Variants in SULF1 observed in about 807,000 individuals in gnomAD.
SULF1 encodes the protein sulfatase 1, also known as extracellular sulfatase Sulf-1.
Under a neutral mutation model 110.5 loss-of-function variants are expected in SULF1, and 46 were observed. The ratio of observed to expected loss-of-function variants is 0.42; its 90% CI spans 0.33 to 0.53. SULF1 has a LOEUF of 0.53. Ranked by LOEUF, SULF1 falls within the 20% of genes least tolerant of loss-of-function variation. The pLI, the probability that SULF1 is intolerant of heterozygous loss-of-function variation, is 0.12. For missense variants in SULF1, 941 were observed against 1,094.2 expected (o/e 0.86, Z 1.98); for synonymous variants, 371 against 387.1 (o/e 0.96, Z 0.49).
upstream of SULF1, among the ~76,000 whole-genome samples, chr8:69,489,571 C>CTTTTTTTTTTTTTTTT (rs61391745): frequency 1.2e-4 from 11 of 91,980 alleles, no homozygotes; most frequent in Non-Finnish European, 1.8e-4. Context: ...CTTTCTTTCT[C>CTTTTTTTTTTTTTTTT]TTTTTTTTTT....
chr8:69,490,343 C>T (rs1040186375), upstream of SULF1, among the ~76,000 whole-genome samples: 2 of 152,068 alleles, frequency 1.3e-5, no homozygotes, highest in Non-Finnish European at 2.9e-5. Context: ...CTCAAGCAAT[C>T]CACCCGCCTT....
intron 22 of SULF1, among the ~76,000 whole-genome samples, chr8:69,651,409 A>G (rs1812338584): frequency 6.6e-6 from 1 of 152,110 alleles, no homozygotes; most frequent in Non-Finnish European, 1.5e-5. Flanking sequence ...TGAGTGACCT[A>G]ATGCTTCCAA....
chr8:69,540,160 A>G (rs1813764115), intron 3 of SULF1, among the ~76,000 whole-genome samples: 1 of 152,210 alleles, frequency 6.6e-6, no homozygotes, highest in African/African-American at 2.4e-5. Context: ...AAGTACTGGG[A>G]TAAATGGAAA....
rs535255413 is a variant in SULF1, at chr8:69,529,717, T to C, written c.-134+27749T>C. ...TGGCAGGTTGGTGCTGGCTGCTAAT[T>C]GGAGGCCTCAATTCCTTGCCATGTG... On this transcript the variant is annotated intron_variant, in intron 3 of 22. Transcript: ENST00000402687. Among the ~76,000 whole-genome samples, 48 of 152,274 alleles carry C rather than the reference T, an allele frequency of 3.2e-4. No individual in the cohort carries two copies. The South Asian group carries it at 9.5e-3, about 30-fold the overall frequency.
chr8:69,468,995 G>A (rs1349075258), intron 1 of SULF1, among the ~76,000 whole-genome samples: 1 of 152,182 alleles, frequency 6.6e-6, no homozygotes, highest in Admixed American at 6.5e-5. Context: ...ACAGGATTAG[G>A]CAGGATAGAA....
At chr8:69,552,400 C>G (rs180700807) in intron 3 of SULF1, among the ~76,000 whole-genome samples, 1 of 152,332 alleles carries the variant, frequency 6.6e-6, no homozygotes, top group Admixed American at 6.5e-5. Context: ...AAGATTATGA[C>G]TCTAGCCTGG....
intron 6 of SULF1, among the ~76,000 whole-genome samples, chr8:69,579,995 A>G (rs1805951557): frequency 1.3e-5 from 2 of 152,220 alleles, no homozygotes; most frequent in Admixed American, 1.3e-4. Context: ...TAACTCAGAG[A>G]AAACAAATTA....
intron 3 of SULF1, among the ~76,000 whole-genome samples, chr8:69,550,803 A>C (rs534844855): frequency 1.3e-5 from 2 of 152,154 alleles, no homozygotes; most frequent in Admixed American, 6.6e-5. Context: ...AGTCATTTGG[A>C]AAGTTGCAAA....
At chr8:69,486,783 T>A (rs1209909786) in intron 1 of SULF1, among the ~76,000 whole-genome samples, 1 of 152,102 alleles carries the variant, frequency 6.6e-6, no homozygotes, top group African/African-American at 2.4e-5. Flanking sequence ...CCTGAGAGGG[T>A]TGGAACAACT....
intron 14 of SULF1, among the ~76,000 whole-genome samples, chr8:69,622,942 C>T (rs1809730826): frequency 6.6e-6 from 1 of 152,148 alleles, no homozygotes; most frequent in Non-Finnish European, 1.5e-5. Flanking sequence ...AGAAGCATGA[C>T]AATTCTGATT....
intron 1 of SULF1, among the ~76,000 whole-genome samples, chr8:69,470,700 G>A (rs1423096929): frequency 6.6e-6 from 1 of 152,102 alleles, no homozygotes; most frequent in African/African-American, 2.4e-5. Flanking sequence ...TTTCATCAAA[G>A]CTCTTCTAGT....
At chr8:69,517,208 T>C (rs781455673) in intron 3 of SULF1, among the ~76,000 whole-genome samples, 1 of 152,128 alleles carries the variant, frequency 6.6e-6, no homozygotes, top group Non-Finnish European at 1.5e-5. Flanking sequence ...CAAAACTTCT[T>C]GCTTTAATAG....
intron 1 of SULF1, among the ~76,000 whole-genome samples, chr8:69,477,467 A>C (rs562414201): frequency 6.6e-6 from 1 of 152,350 alleles, no homozygotes; most frequent in South Asian, 2.1e-4. Context: ...TACTCCACTT[A>C]ACTTCCTCAT....
At chr8:69,627,160 C>T in intron 15 of SULF1, 50 bp from the exon 16 acceptor site, 1 of 1,386,342 alleles carries the variant, frequency 7.2e-7, no homozygotes, top group Non-Finnish European at 1.0e-6. Context: ...TTAGTGTTTT[C>T]TGCTATTAGA....
At chr8:69,640,155 GAAAGAAAA>G (rs1169238107) in intron 21 of SULF1, among the ~76,000 whole-genome samples, 25 of 149,626 alleles carry the variant, frequency 1.7e-4, no homozygotes, top group South Asian at 1.1e-3. Context: ...AGGAAAGAAA[GAAAGAAAA>G]AAAGAAAGAA....
intron 5 of SULF1, among the ~76,000 whole-genome samples, chr8:69,570,922 C>T (rs1174680489): frequency 1.3e-5 from 2 of 152,188 alleles, no homozygotes; most frequent in African/African-American, 4.8e-5. Context: ...TCTCATCAAG[C>T]CAGCCCAGTC....
intron 3 of SULF1, among the ~76,000 whole-genome samples, chr8:69,509,998 A>G (rs1811446239): frequency 1.3e-5 from 2 of 152,324 alleles, no homozygotes; most frequent in Middle Eastern, 3.4e-3. Flanking sequence ...GTGATAGCCA[A>G]CCTCTAAATG....
chr8:69,512,365 TGAAC>T (rs1325540029), intron 3 of SULF1, among the ~76,000 whole-genome samples: 1 of 152,168 alleles, frequency 6.6e-6, no homozygotes, highest in African/African-American at 2.4e-5. Flanking sequence ...TGGCCTGAAA[TGAAC>T]AACAGGGCCA....
intron 1 of SULF1, among the ~76,000 whole-genome samples, chr8:69,474,010 G>GTGTCTTCCC (rs1809199596): frequency 6.6e-6 from 1 of 152,158 alleles, no homozygotes; most frequent in Non-Finnish European, 1.5e-5. Context: ...GAGGCTCAAA[G>GTGTCTTCCC]ATTATTCAGT....
Sources: allele counts gnomAD v4.1 joint callset (sites outside exome capture counted in the v4.1 genomes callset), GRCh38; gene constraint gnomAD v4.1.1; transcripts MANE v1.5; gene names NCBI Gene and HGNC (gene_info 2026-07-23, HGNC 2026-07-21).